Variants in PHACTR1 observed in about 807,000 individuals in gnomAD.
PHACTR1 encodes the protein phosphatase and actin regulator 1, also known as RPEL repeat containing 1.
A neutral mutation model predicts 69.2 loss-of-function variants in PHACTR1; 16 were observed. The observed-to-expected ratio is 0.23, with a 90% confidence interval of 0.16 to 0.35. The LOEUF is 0.35. PHACTR1 is among the 10% of genes least tolerant of loss of function. PHACTR1 has a pLI of 1.00. For synonymous variants in PHACTR1, 312 were observed against 284.5 expected (o/e 1.10, Z -0.97); for missense variants, 510 against 734.7 (o/e 0.69, Z 3.54).
rs561370183 is a variant in PHACTR1 at position 13,076,019 on chromosome 6, G to A, written c.415+22490G>A. On this transcript the variant is annotated intron_variant, in intron 5 of 14. Coordinates refer to ENST00000332995, the MANE Select transcript of PHACTR1 (RefSeq NM_030948.6). ...GAATTATTTGAAAAAAACAATGCAA[G>A]GGAGCATCTTTTTTTTTTTTTTTTC... 5.6e-4 allele frequency among the ~76,000 whole-genome samples: 80 copies of A among 143,990 alleles called. No homozygotes were observed. In the South Asian group the frequency reaches 0.017, roughly 31 times the overall value. The allele number at this position is 143,990 out of a possible 152,430, so 94.5% of individuals were successfully genotyped here.
intron 4 of PHACTR1, among the ~76,000 whole-genome samples, chr6:12,803,876 C>T (rs1773990092): frequency 6.6e-6 from 1 of 152,160 alleles, no homozygotes; most frequent in African/African-American, 2.4e-5. Flanking sequence ...GACAAAGTTG[C>T]CCCTCAACCC....
At chr6:12,933,739 C>T in intron 4 of PHACTR1, 1 of 1,612,834 alleles carries the variant, frequency 6.2e-7, no homozygotes, top group African/African-American at 1.3e-5. Flanking sequence ...ACCACGGCCT[C>T]CTGAAGACAG....
At chr6:13,227,347 T>C (rs929120749) in intron 8 of PHACTR1, among the ~76,000 whole-genome samples, 4 of 152,222 alleles carry the variant, frequency 2.6e-5, no homozygotes, top group Non-Finnish European at 4.4e-5. Flanking sequence ...ACCTCAATTA[T>C]TATCTTTCTC....
chr6:12,815,792 A>C (rs1775512540), intron 4 of PHACTR1, among the ~76,000 whole-genome samples: 1 of 152,226 alleles, frequency 6.6e-6, no homozygotes, highest in Non-Finnish European at 1.5e-5. Context: ...TACTTAACTG[A>C]ACACCAAATA....
chr6:13,109,329 C>A (rs1181823756), intron 5 of PHACTR1, among the ~76,000 whole-genome samples: 1 of 151,966 alleles, frequency 6.6e-6, no homozygotes, highest in East Asian at 1.9e-4. Context: ...TGCAGGCCTA[C>A]TAATGATAAA....
intron 5 of PHACTR1, among the ~76,000 whole-genome samples, chr6:13,090,316 G>A (rs532684084): frequency 6.6e-6 from 1 of 151,966 alleles, no homozygotes; most frequent in East Asian, 1.9e-4. Flanking sequence ...AAAGTGTTGG[G>A]ATTACAGGCA....
intron 4 of PHACTR1, among the ~76,000 whole-genome samples, chr6:12,989,864 A>G (rs919079705): frequency 2.6e-5 from 4 of 152,230 alleles, no homozygotes; most frequent in African/African-American, 9.6e-5. Flanking sequence ...CTCAAACAGC[A>G]TATCTTTAAC....
chr6:12,866,368 T>G (rs1049159296), intron 4 of PHACTR1, among the ~76,000 whole-genome samples: 2 of 152,174 alleles, frequency 1.3e-5, no homozygotes, highest in Non-Finnish European at 2.9e-5. Context: ...ACCTATGGGC[T>G]ATTTTAACCT....
intron 10 of PHACTR1, among the ~76,000 whole-genome samples, chr6:13,247,719 A>G (rs1169955837): frequency 6.6e-6 from 1 of 152,126 alleles, no homozygotes. Flanking sequence ...TGTGGAAGCT[A>G]GGCATGCACC....
intron 4 of PHACTR1, among the ~76,000 whole-genome samples, chr6:12,759,844 C>T (rs929804336): frequency 1.3e-5 from 2 of 152,172 alleles, no homozygotes; most frequent in African/African-American, 4.8e-5. Context: ...TGAGGTAGCA[C>T]AGTGGTTATG....
chr6:13,213,821 A>G (rs1767256883), intron 8 of PHACTR1, among the ~76,000 whole-genome samples: 1 of 152,202 alleles, frequency 6.6e-6, no homozygotes, highest in Non-Finnish European at 1.5e-5. Flanking sequence ...AGCCCCGACA[A>G]CTGTGAGGAA....
At chr6:12,820,861 A>G (rs1776129365) in intron 4 of PHACTR1, among the ~76,000 whole-genome samples, 1 of 152,218 alleles carries the variant, frequency 6.6e-6, no homozygotes, top group Non-Finnish European at 1.5e-5. Context: ...ACAAAAAATC[A>G]TCATTACCAT....
At chr6:12,888,647 TAAGA>T (rs1236392737) in intron 4 of PHACTR1, among the ~76,000 whole-genome samples, 1 of 152,234 alleles carries the variant, frequency 6.6e-6, no homozygotes, top group Non-Finnish European at 1.5e-5. Context: ...TTTTGCACTC[TAAGA>T]AAGAAACCAT....
intron 4 of PHACTR1, among the ~76,000 whole-genome samples, chr6:12,810,439 C>T (rs1323963913): frequency 1.3e-5 from 2 of 152,166 alleles, no homozygotes; most frequent in African/African-American, 4.8e-5. Context: ...GTATATAAGG[C>T]AGAATTTGTG....
At chr6:12,815,318 A>T (rs116500098) in intron 4 of PHACTR1, among the ~76,000 whole-genome samples, 1 of 152,136 alleles carries the variant, frequency 6.6e-6, no homozygotes, top group Admixed American at 6.5e-5. Context: ...CCTCCCCAGT[A>T]TCAAATTTGC....
chr6:12,856,810 T>C (rs955523048), intron 4 of PHACTR1, among the ~76,000 whole-genome samples: 3 of 152,142 alleles, frequency 2.0e-5, no homozygotes, highest in Non-Finnish European at 4.4e-5. Context: ...AATGCTGGTT[T>C]TTATTTGAGA....
At chr6:12,842,987 AC>A (rs1778848687) in intron 4 of PHACTR1, among the ~76,000 whole-genome samples, 1 of 151,914 alleles carries the variant, frequency 6.6e-6, no homozygotes, top group African/African-American at 2.4e-5. Flanking sequence ...TGACTTATCT[AC>A]CCTTTATATG....
intron 4 of PHACTR1, among the ~76,000 whole-genome samples, chr6:13,043,069 T>C (rs1490699787): frequency 6.6e-6 from 1 of 152,234 alleles, no homozygotes; most frequent in Admixed American, 6.5e-5. Flanking sequence ...TTCAGTTTCA[T>C]TGAGTCATCT....
intron 6 of PHACTR1, among the ~76,000 whole-genome samples, chr6:13,173,432 A>G (rs988153348): frequency 6.6e-6 from 1 of 152,214 alleles, no homozygotes; most frequent in African/African-American, 2.4e-5. Flanking sequence ...GCACCATGTA[A>G]TCACACGAAC....
Sources: allele counts gnomAD v4.1 joint callset (sites outside exome capture counted in the v4.1 genomes callset), GRCh38; gene constraint gnomAD v4.1.1; transcripts MANE v1.5; gene names NCBI Gene and HGNC (gene_info 2026-07-23, HGNC 2026-07-21).